LZTS1: variants seen among roughly 807,000 people sequenced by gnomAD.
LZTS1 encodes leucine zipper putative tumor suppressor 1.
In LZTS1, 31 loss-of-function variants were observed where a neutral mutation model predicts 45.8. That is an observed-to-expected ratio of 0.68 (90% CI 0.51 to 0.91). The LOEUF (loss-of-function observed/expected upper bound fraction) is 0.91, where lower values mean the gene tolerates loss of function less well. Ranked by LOEUF, LZTS1 falls within the 40% of genes least tolerant of loss-of-function variation. The pLI is 0.00. For synonymous variants in LZTS1, 359 were observed against 357.3 expected (o/e 1.00, Z -0.05); for missense variants, 821 against 788.9 (o/e 1.04, Z -0.49).
intron 2 of LZTS1, 111 bp from the exon 3 acceptor site, chr8:20,253,696 C>G (rs148823590): frequency 2.7e-6 from 2 of 745,132 alleles, no homozygotes; most frequent in African/African-American, 1.8e-5. Flanking sequence ...TCTGAGCGCA[C>G]GCAGCACCCC....
intron 1 of LZTS1, among the ~76,000 whole-genome samples, chr8:20,278,009 G>A (rs1230702989): frequency 6.6e-6 from 1 of 152,198 alleles, no homozygotes; most frequent in Non-Finnish European, 1.5e-5. Flanking sequence ...TTGTGTTACA[G>A]TAGGTAGTCG....
At chr8:20,260,405 G>A (rs2128894143) in intron 1 of LZTS1, among the ~76,000 whole-genome samples, 1 of 152,342 alleles carries the variant, frequency 6.6e-6, no homozygotes, top group South Asian at 2.1e-4. Context: ...CTAAGGCACA[G>A]ACTCACAAGG....
intron 1 of LZTS1, among the ~76,000 whole-genome samples, chr8:20,259,514 G>A (rs1164558627): frequency 1.3e-5 from 2 of 152,130 alleles, no homozygotes; most frequent in Admixed American, 6.5e-5. Context: ...CATCTGAAGC[G>A]TCCAGGTCAT....
At chr8:20,260,079 T>C (rs985382276) in intron 1 of LZTS1, among the ~76,000 whole-genome samples, 1 of 152,078 alleles carries the variant, frequency 6.6e-6, no homozygotes, top group Non-Finnish European at 1.5e-5. Flanking sequence ...AAATAATTCT[T>C]TTGTAGAGAC....
At chr8:20,301,899 G>A (rs909429753) in intron 1 of LZTS1, among the ~76,000 whole-genome samples, 5 of 152,150 alleles carry the variant, frequency 3.3e-5, no homozygotes, top group African/African-American at 1.2e-4. Context: ...TGCTATAAAT[G>A]TTAACTAACA....
Position 20,254,913 on chromosome 8 carries a change from A to G in LZTS1, c.269T>C (p.Leu90Ser). ...PDYTALSSGD[L>S]GGQAGVDFDP... is the part of the protein sequence containing the mutation. ...AAAGTCCACCCCAGCCTGGCCCCCT[A>G]AATCCCCGCTGGACAGTGCCGTGTA... Residue 90 changes from leucine (L) to serine (S), a missense_variant, in exon 2 of 4, where the codon TTA becomes TCA. Leu to Ser is a moderately radical substitution (Grantham distance 145). Coordinates refer to ENST00000381569, the MANE Select transcript of LZTS1 (RefSeq NM_021020.5). The G allele has an allele frequency of 6.2e-7, 1 of 1,614,120 alleles. No individual in the cohort carries two copies. Among genetic ancestry groups the G allele is most frequent in the Non-Finnish European group, 8.5e-7 (1 of 1,180,016 alleles).
In LZTS1 at chr8:20,255,449, G is replaced by A. The variant is rs367950216; in HGVS notation, c.-134-134C>T. Reference sequence around the variant, plus strand: ...CACTGTCTCCACCACCGGGTGCTCCGTTCCTTCTTCCTTTGTCTGATAATT... The same window carrying A: ...CACTGTCTCCACCACCGGGTGCTCCATTCCTTCTTCCTTTGTCTGATAATT... On this transcript the variant is annotated intron_variant, in intron 1 of 3. Coordinates refer to ENST00000381569, the MANE Select transcript of LZTS1 (RefSeq NM_021020.5). 8.0e-4 allele frequency: 418 copies of A among 520,718 alleles called. 2 individuals carry two copies. The highest frequency in any genetic ancestry group is 6.2e-3 in the African/African-American group (326 of 52,588). The allele number at this position is 520,718 out of a possible 1,614,324, so 32.3% of individuals were successfully genotyped here.
At chr8:20,276,964 G>A (rs1292121467) in intron 1 of LZTS1, among the ~76,000 whole-genome samples, 1 of 152,200 alleles carries the variant, frequency 6.6e-6, no homozygotes, top group East Asian at 1.9e-4. Context: ...TTGAACCAGA[G>A]CAACTCCATG....
rs193040441 is a variant in LZTS1 at position 20,280,451 on chromosome 8, G to A, written c.-135+23289C>T. 1.3e-5 allele frequency among the ~76,000 whole-genome samples: 2 copies of A among 152,216 alleles called. 1 individual carries two copies. Among genetic ancestry groups the A allele is most frequent in the Admixed American group, 1.3e-4 (2 of 15,284 alleles). On this transcript the variant is annotated intron_variant, in intron 1 of 3. Coordinates refer to ENST00000381569, the MANE Select transcript of LZTS1 (RefSeq NM_021020.5). ...ACTTGCTCATTCACTGTACCTCATT[G>A]TCCCTGCCCATTCATTGACATTCAT... is the stretch of plus-strand genomic sequence containing the variant.
intron 1 of LZTS1, chr8:20,289,737 G>C (rs543920656): frequency 6.6e-6 from 1 of 152,362 alleles, no homozygotes; most frequent in Admixed American, 6.5e-5. Context: ...TTCCCTAAAA[G>C]CATTTTATGC....
intron 1 of LZTS1, among the ~76,000 whole-genome samples, chr8:20,282,258 G>A (rs761353790): frequency 9.2e-5 from 14 of 152,176 alleles, no homozygotes; most frequent in Admixed American, 4.6e-4. Flanking sequence ...AAGAGGTGGC[G>A]ACTCATGCCT....
chr8:20,274,970 T>TGTGTGTGTGTGTAC (rs1800548892), intron 1 of LZTS1, among the ~76,000 whole-genome samples: 1 of 70,494 alleles, frequency 1.4e-5, no homozygotes, highest in South Asian at 5.8e-4. Context: ...ACTGTGTGTG[T>TGTGTGTGTGTGTAC]GTGTGTGTGT....
intron 1 of LZTS1, among the ~76,000 whole-genome samples, chr8:20,273,313 G>A (rs1800510537): frequency 6.6e-6 from 1 of 152,000 alleles, no homozygotes; most frequent in South Asian, 2.1e-4. Context: ...CTGTATCTGA[G>A]ACCCTGACCT....
intron 1 of LZTS1, chr8:20,275,874 T>G (rs1482413403): frequency 6.6e-6 from 1 of 152,250 alleles, no homozygotes; most frequent in Non-Finnish European, 1.5e-5. Flanking sequence ...GGTGAACTGT[T>G]ATTAACTAAA....
chr8:20,276,673 T>A (rs1431258628), intron 1 of LZTS1, among the ~76,000 whole-genome samples: 1 of 152,170 alleles, frequency 6.6e-6, no homozygotes. Context: ...AAGGCTGGGG[T>A]CATGGGAACT....
At chr8:20,282,289 G>T (rs886997969) in intron 1 of LZTS1, among the ~76,000 whole-genome samples, 2 of 152,200 alleles carry the variant, frequency 1.3e-5, no homozygotes, top group Admixed American at 6.5e-5. Flanking sequence ...CCAGAGCACT[G>T]GTGGGAAAGG....
intron 1 of LZTS1, among the ~76,000 whole-genome samples, chr8:20,269,005 G>A (rs1800421955): frequency 6.6e-6 from 1 of 152,140 alleles, no homozygotes; most frequent in South Asian, 2.1e-4. Context: ...CCTCCATCCC[G>A]GTGGGCAGCT....
chr8:20,273,100 T>C (rs531901841), intron 1 of LZTS1, among the ~76,000 whole-genome samples: 3 of 152,170 alleles, frequency 2.0e-5, no homozygotes, highest in Non-Finnish European at 2.9e-5. Context: ...CTCCGGGATG[T>C]TGCTAAATCC....
At position 20,254,945 on chromosome 8, in the gene LZTS1, G is replaced by A; in HGVS notation, c.237C>T (p.His79=). The A allele has an allele frequency of 6.2e-7, 1 of 1,614,214 alleles. No individual in the cohort carries two copies. The highest frequency in any genetic ancestry group is 8.5e-7 in the Non-Finnish European group (1 of 1,180,048). ...CGCTGGACAGTGCCGTGTAATCTGG[G>A]TGATGGGAGCCCCGGGCTTTCTGGC... ...KVSQKARGSH[H]PDYTALSSGD... The change falls in exon 2 of 4, where the codon CAC becomes CAT. Residue 79 remains histidine, a synonymous_variant. Coordinates refer to ENST00000381569, the MANE Select transcript of LZTS1 (RefSeq NM_021020.5).
Sources: allele counts gnomAD v4.1 joint callset (sites outside exome capture counted in the v4.1 genomes callset), GRCh38; gene constraint gnomAD v4.1.1; transcripts MANE v1.5; gene names NCBI Gene and HGNC (gene_info 2026-07-23, HGNC 2026-07-21).